MYCBP2: variants seen among roughly 807,000 people sequenced by gnomAD.
The protein encoded by MYCBP2 is MYC binding protein 2, also known as E3 ubiquitin-protein ligase MYCBP2.
Under a neutral mutation model 525.3 loss-of-function variants are expected in MYCBP2, and 120 were observed. The ratio of observed to expected loss-of-function variants is 0.23; its 90% CI spans 0.20 to 0.27. The LOEUF (loss-of-function observed/expected upper bound fraction) is 0.27. Among genes scored for constraint, MYCBP2 ranks in the 10% least tolerant of loss-of-function variants. MYCBP2 has a pLI of 1.00. For synonymous variants in MYCBP2, 1,894 were observed against 1,955.8 expected, an observed-to-expected ratio of 0.97 and a Z score of 0.83; for missense variants, 4,149 against 5,657.1, an observed-to-expected ratio of 0.73 and a Z score of 8.55.
chr13:77,097,778 C>T lies in MYCBP2; in HGVS notation c.9376G>A (p.Glu3126Lys). 1 of 1,613,616 alleles carries T rather than the reference C, an allele frequency of 6.2e-7. No individual in the cohort carries two copies. The highest frequency in any genetic ancestry group is 8.5e-7 in the Non-Finnish European group (1 of 1,179,792). ...TCACATTTTTCATGCAGAGGTGGTTCCTTAAGCATAGACAATACCTTGTTT... is the reference window on the plus strand; with the variant it reads ...TCACATTTTTCATGCAGAGGTGGTTTCTTAAGCATAGACAATACCTTGTTT... ...NKNKVLSMLKEPPLHEKCEDG... is the reference protein window; with the variant it reads ...NKNKVLSMLKKPPLHEKCEDG... The change falls in exon 56 of 83, where the codon GAA becomes AAA. Residue 3126 changes from glutamate to lysine, a missense_variant. Glu to Lys is a moderately conservative substitution (Grantham distance 56). Transcript: ENST00000544440.
chr13:77,088,445 A>C (rs1441786125), intron 61 of MYCBP2, among the ~76,000 whole-genome samples: 1 of 152,086 alleles, frequency 6.6e-6, no homozygotes, highest in Non-Finnish European at 1.5e-5. Flanking sequence ...ATTTCCAGAG[A>C]CCAAAGGCCC....
rs1236873598 is a variant in MYCBP2 at position 77,087,528 on chromosome 13, C to G, written c.10831G>C (p.Glu3611Gln). ...LTPAPVEPEE[E>Q]EDEENKTSKE... is the part of the protein sequence containing the mutation. The stretch of plus-strand genomic sequence containing the variant: ...CTTGTTTTATTTTCTTCATCCTCTT[C>G]TTCCTCTGGTTCCACTGGTGCAGGA... Residue 3611 changes from glutamate to glutamine, a missense_variant, in exon 62 of 83, where the codon GAA becomes CAA. Around this residue, in one of 21 missense-constraint regions of MYCBP2, gnomAD observed 509 missense variants for 789.4 expected, o/e 0.64. Transcript: ENST00000544440. 6.2e-7 allele frequency: 1 copy of G among 1,613,092 alleles called. No homozygotes were observed. Among genetic ancestry groups the G allele is most frequent in the Admixed American group, 1.7e-5 (1 of 59,872 alleles).
intron 81 of MYCBP2, 141 bp from the exon 82 acceptor site, chr13:77,051,303 G>A (rs1462344910): frequency 1.5e-6 from 1 of 679,240 alleles, no homozygotes; most frequent in East Asian, 2.9e-5. Context: ...AAAAACTGAT[G>A]ATACACATGT....
chr13:77,155,241 G>A (rs988602279), intron 46 of MYCBP2, among the ~76,000 whole-genome samples: 5 of 151,938 alleles, frequency 3.3e-5, no homozygotes, highest in East Asian at 3.9e-4. Context: ...ACTTCTTCAC[G>A]CTATAAATGA....
chr13:77,140,749 A>T (rs2054481769), intron 50 of MYCBP2, 97 bp downstream of exon 50: 1 of 858,848 alleles, frequency 1.2e-6, no homozygotes, highest in African/African-American at 1.7e-5. Flanking sequence ...AAGTCCTGAA[A>T]TCAAGTAAAA....
intron 52 of MYCBP2, among the ~76,000 whole-genome samples, chr13:77,128,682 A>C (rs1196870835): frequency 6.6e-6 from 1 of 152,022 alleles, no homozygotes; most frequent in African/African-American, 2.4e-5. Flanking sequence ...ATGCTCAAGC[A>C]ATAGTAAAAT....
intron 3 of MYCBP2, among the ~76,000 whole-genome samples, chr13:77,286,466 A>T (rs889637673): frequency 1.1e-4 from 16 of 151,870 alleles, no homozygotes; most frequent in African/African-American, 3.9e-4. Flanking sequence ...AAAAATATAT[A>T]TAACAGGCTG....
chr13:77,138,051 A>C (rs778506977), intron 52 of MYCBP2, among the ~76,000 whole-genome samples: 1 of 152,232 alleles, frequency 6.6e-6, no homozygotes, highest in Non-Finnish European at 1.5e-5. Flanking sequence ...AAATCTGAGG[A>C]AAATTTAATA....
At chr13:77,220,817 G>A (rs1566961982) in intron 20 of MYCBP2, among the ~76,000 whole-genome samples, 1 of 152,122 alleles carries the variant, frequency 6.6e-6, no homozygotes, top group Admixed American at 6.6e-5. Context: ...CAGGGTAACT[G>A]AGTGCTTAAG....
intron 13 of MYCBP2, among the ~76,000 whole-genome samples, chr13:77,258,506 T>C (rs1236210217): frequency 6.6e-6 from 1 of 152,178 alleles, no homozygotes; most frequent in African/African-American, 2.4e-5. Flanking sequence ...TAAAAACATG[T>C]TATCAAGTAT....
chr13:77,199,239 G>A (rs992465397), intron 26 of MYCBP2, among the ~76,000 whole-genome samples: 1 of 152,256 alleles, frequency 6.6e-6, no homozygotes, highest in African/African-American at 2.4e-5. Context: ...GAAGCGCAAG[G>A]GGTCAGGGAG....
chr13:77,194,354 T>C (rs1352281538), intron 26 of MYCBP2, 110 bp from the exon 27 acceptor site: 3 of 708,728 alleles, frequency 4.2e-6, no homozygotes, highest in African/African-American at 3.6e-5. Flanking sequence ...ATACCAAATG[T>C]AAAAAATCAG....
At chr13:77,283,714 T>C (rs569875035) in intron 3 of MYCBP2, among the ~76,000 whole-genome samples, 2 of 152,218 alleles carry the variant, frequency 1.3e-5, no homozygotes, top group East Asian at 3.9e-4. Context: ...CTGGGCAATC[T>C]GGCAAAACCC....
intron 2 of MYCBP2, among the ~76,000 whole-genome samples, chr13:77,289,633 T>C (rs2077265764): frequency 6.6e-6 from 1 of 152,132 alleles, no homozygotes; most frequent in Admixed American, 6.5e-5. Flanking sequence ...AAGATTGTGA[T>C]CCAGGCAAAT....
intron 26 of MYCBP2, among the ~76,000 whole-genome samples, chr13:77,200,113 A>G (rs1322392885): frequency 6.6e-6 from 1 of 152,120 alleles, no homozygotes; most frequent in Non-Finnish European, 1.5e-5. Context: ...GAGGACATTC[A>G]AACCAAAGGC....
At chr13:77,065,966 G>A (rs1341323905) in intron 72 of MYCBP2, 26 bp downstream of exon 72, 4 of 1,575,070 alleles carry the variant, frequency 2.5e-6, no homozygotes, top group Non-Finnish European at 3.5e-6. Flanking sequence ...GCACTTCACT[G>A]CCAAAACAGA....
At chr13:77,210,693 C>T (rs562846653) in intron 23 of MYCBP2, among the ~76,000 whole-genome samples, 1 of 152,042 alleles carries the variant, frequency 6.6e-6, no homozygotes, top group South Asian at 2.1e-4. Flanking sequence ...GCATAATTTC[C>T]TCCTCATAGT....
chr13:77,076,607 G>T (rs2042344849), intron 68 of MYCBP2, 144 bp downstream of exon 68: 2 of 550,590 alleles, frequency 3.6e-6, no homozygotes, highest in East Asian at 3.0e-5. Context: ...CTTTTAGATA[G>T]TTCCTTCATC....
intron 15 of MYCBP2, 31 bp from the exon 16 acceptor site, chr13:77,243,982 G>C (rs758392884): frequency 1.3e-6 from 1 of 748,984 alleles, no homozygotes; most frequent in East Asian, 3.2e-5. Context: ...AAAAAAAAAA[G>C]ACAACTGAGA....
Sources: allele counts gnomAD v4.1 joint callset (sites outside exome capture counted in the v4.1 genomes callset), GRCh38; gene constraint gnomAD v4.1.1; regional missense constraint gnomAD v4.1.1; transcripts MANE v1.5; gene names NCBI Gene and HGNC (gene_info 2026-07-23, HGNC 2026-07-21).